CLSTN2: variants seen among roughly 807,000 people sequenced by gnomAD.
CLSTN2 encodes calsyntenin 2, also known as calsyntenin-2.
CLSTN2 carries 48 observed loss-of-function variants against 101.2 expected under a neutral mutation model. The ratio of observed to expected loss-of-function variants is 0.47; its 90% CI spans 0.38 to 0.60. The LOEUF (loss-of-function observed/expected upper bound fraction) is 0.60. Ranked by LOEUF, CLSTN2 falls within the 20% of genes least tolerant of loss-of-function variation. The pLI is 0.00. For missense variants in CLSTN2, 1,160 were observed against 1,238.2 expected (o/e 0.94, Z 0.95); for synonymous variants, 481 against 463.6 (o/e 1.04, Z -0.48).
chr3:140,532,792 G>GA (rs1158317884), intron 9 of CLSTN2, among the ~76,000 whole-genome samples: 2 of 152,088 alleles, frequency 1.3e-5, no homozygotes, highest in East Asian at 1.9e-4. Context: ...GCAATGCAGA[G>GA]AAAAAAACAG....
At chr3:140,406,759 C>CCCAAATAGCAAGACT (rs1346633726) in intron 4 of CLSTN2, among the ~76,000 whole-genome samples, 32 of 152,162 alleles carry the variant, frequency 2.1e-4, no homozygotes. Context: ...GTGACAAGTC[C>CCCAAATAGCAAGACT]ATGGTGAATA....
At chr3:140,391,219 C>T (rs951170788) in intron 2 of CLSTN2, among the ~76,000 whole-genome samples, 1 of 152,192 alleles carries the variant, frequency 6.6e-6, no homozygotes, top group Non-Finnish European at 1.5e-5. Flanking sequence ...GTTTTAGCCT[C>T]CACGCTGTAC....
intron 10 of CLSTN2, among the ~76,000 whole-genome samples, chr3:140,550,051 C>A (rs1935675181): frequency 6.6e-6 from 1 of 151,078 alleles, no homozygotes; most frequent in Non-Finnish European, 1.5e-5. Flanking sequence ...AATTTTTCAT[C>A]TCCATCATGT....
At chr3:140,251,523 C>T (rs1184008193) in intron 2 of CLSTN2, among the ~76,000 whole-genome samples, 1 of 151,988 alleles carries the variant, frequency 6.6e-6, no homozygotes, top group Non-Finnish European at 1.5e-5. Flanking sequence ...CATTTGATAC[C>T]TGATTGTTTG....
intron 5 of CLSTN2, among the ~76,000 whole-genome samples, chr3:140,431,886 A>G (rs1161075175): frequency 6.6e-6 from 1 of 152,234 alleles, no homozygotes; most frequent in Non-Finnish European, 1.5e-5. Context: ...TGGCCAAGCT[A>G]TTTTGTAAGA....
At chr3:140,108,408 C>A (rs763221519) in intron 1 of CLSTN2, among the ~76,000 whole-genome samples, 1 of 152,184 alleles carries the variant, frequency 6.6e-6, no homozygotes, top group Non-Finnish European at 1.5e-5. Flanking sequence ...CCCATGGAAC[C>A]TGGGAAGCCT....
chr3:140,246,071 T>C (rs1303409378), intron 2 of CLSTN2, among the ~76,000 whole-genome samples: 6 of 152,240 alleles, frequency 3.9e-5, no homozygotes, highest in African/African-American at 1.4e-4. Flanking sequence ...GCGTTTACGT[T>C]GATCCTTCCA....
At chr3:139,988,034 TA>T (rs1389772171) in intron 1 of CLSTN2, among the ~76,000 whole-genome samples, 2 of 152,220 alleles carry the variant, frequency 1.3e-5, no homozygotes, top group African/African-American at 2.4e-5. Flanking sequence ...AGACCAGCAC[TA>T]GATATCTTCC....
At chr3:140,552,401 TAAAA>T (rs5852986) in intron 10 of CLSTN2, among the ~76,000 whole-genome samples, 4 of 138,838 alleles carry the variant, frequency 2.9e-5, no homozygotes, top group East Asian at 2.2e-4. Flanking sequence ...TACCGCAGTT[TAAAA>T]AAAAAAAAAA....
At chr3:140,054,131 G>T (rs1457588648) in intron 1 of CLSTN2, among the ~76,000 whole-genome samples, 1 of 152,142 alleles carries the variant, frequency 6.6e-6, no homozygotes. Context: ...GCTCGTGGGA[G>T]GGGGAGGTTC....
rs564811798 is a variant in CLSTN2, at chr3:139,978,237, C to T, written c.109+42754C>T. Among the ~76,000 whole-genome samples, 3 of 152,306 alleles carry T rather than the reference C, an allele frequency of 2.0e-5. No individual in the cohort carries two copies. The South Asian group carries it at 6.2e-4, about 32-fold the overall frequency. ...TTGCCAGGCACCCTGTTAGACCTTT[C>T]CCAACCCTGTTGGTGTTAGAACTGT... is the stretch of plus-strand genomic sequence containing the variant. On this transcript the variant is annotated intron_variant, in intron 1 of 16. Transcript: ENST00000458420.
chr3:139,976,700 A>G (rs1935824654), intron 1 of CLSTN2, among the ~76,000 whole-genome samples: 1 of 152,156 alleles, frequency 6.6e-6, no homozygotes, highest in Admixed American at 6.5e-5. Flanking sequence ...TACAGTTGCT[A>G]CTGTGGCCTC....
chr3:140,005,428 C>T (rs2006934679), intron 1 of CLSTN2, among the ~76,000 whole-genome samples: 1 of 152,092 alleles, frequency 6.6e-6, no homozygotes, highest in Non-Finnish European at 1.5e-5. Flanking sequence ...TGTTAAATTT[C>T]CTTAGAGTAC....
At chr3:140,268,861 G>T (rs2086717528) in intron 2 of CLSTN2, among the ~76,000 whole-genome samples, 1 of 152,134 alleles carries the variant, frequency 6.6e-6, no homozygotes, top group South Asian at 2.1e-4. Flanking sequence ...CTGTGTACAG[G>T]ATAGAAACTA....
intron 1 of CLSTN2, among the ~76,000 whole-genome samples, chr3:140,101,639 G>T (rs1431517645): frequency 1.3e-5 from 2 of 152,156 alleles, no homozygotes; most frequent in Admixed American, 6.5e-5. Context: ...AAGTCTCAAT[G>T]GTATAATAAA....
chr3:140,127,570 A>C (rs1274333873), intron 1 of CLSTN2, among the ~76,000 whole-genome samples: 1 of 152,148 alleles, frequency 6.6e-6, no homozygotes, highest in Non-Finnish European at 1.5e-5. Context: ...CAATGCTGAG[A>C]AAAAGGTGTT....
At position 140,349,902 on chromosome 3, in the gene CLSTN2, A is replaced by G. The variant is rs576248949; in HGVS notation, c.233-53727A>G. ...GCTTCATAACAGAAGACAACATCTT[A>G]TATCATGGTATCTCTATCCAAGACC... On this transcript the variant is annotated intron_variant, in intron 2 of 16. Transcript: ENST00000458420. Among the ~76,000 whole-genome samples, 6 of 152,310 alleles carry G rather than the reference A, an allele frequency of 3.9e-5. No homozygotes were observed. The East Asian group carries it at 1.2e-3, about 29-fold the overall frequency.
intron 1 of CLSTN2, among the ~76,000 whole-genome samples, chr3:139,988,982 A>G (rs1057184763): frequency 1.3e-5 from 2 of 152,206 alleles, no homozygotes; most frequent in African/African-American, 4.8e-5. Context: ...GAGTTCAGCC[A>G]TACTCCCTCC....
At position 140,575,010 on chromosome 3, in the gene CLSTN2, TA is replaced by T. The variant is rs1985688186; in HGVS notation, c.*8758del. On this transcript the variant is annotated 3_prime_UTR_variant, in exon 17 of 17. Coordinates refer to ENST00000458420, the MANE Select transcript of CLSTN2 (RefSeq NM_022131.3). ...AAAAGTGCATCCATCCTGGCCAATA[TA>T]GAACACTCACATCTGGAGCCCACGC... The T allele has an allele frequency of 6.6e-6, 1 of 152,224 alleles. No individual in the cohort carries two copies. Among genetic ancestry groups the T allele is most frequent in the African/African-American group, 2.4e-5 (1 of 41,442 alleles). The allele number at this position is 152,224 out of a possible 1,614,324, so 9.4% of individuals were successfully genotyped here. A position where few individuals can be genotyped will look rare whatever the true frequency, so the allele number is the denominator to read the frequency against.
Sources: allele counts gnomAD v4.1 joint callset (sites outside exome capture counted in the v4.1 genomes callset), GRCh38; gene constraint gnomAD v4.1.1; transcripts MANE v1.5; gene names NCBI Gene and HGNC (gene_info 2026-07-23, HGNC 2026-07-21).